TBC1D32: variants seen among roughly 807,000 people sequenced by gnomAD.
TBC1D32 encodes protein broad-minded.
TBC1D32 carries 151 observed loss-of-function variants against 170.3 expected under a neutral mutation model. The ratio of observed to expected loss-of-function variants is 0.89; its 90% CI spans 0.78 to 1.01. TBC1D32 has a LOEUF of 1.01. TBC1D32 is among the 50% of genes least tolerant of loss of function. The pLI, the probability that TBC1D32 is intolerant of heterozygous loss-of-function variation, is 0.00. For missense variants in TBC1D32, 1,464 were observed against 1,457.1 expected, an observed-to-expected ratio of 1.00 and a Z score of -0.08; for synonymous variants, 498 against 488.0, an observed-to-expected ratio of 1.02 and a Z score of -0.27.
chr6:121,116,899 T>C (rs534680503), intron 26 of TBC1D32, among the ~76,000 whole-genome samples: 1 of 152,326 alleles, frequency 6.6e-6, no homozygotes, highest in African/African-American at 2.4e-5. Flanking sequence ...TGACAGTGTA[T>C]CTTCAGAGTA....
chr6:121,216,733 G>C (rs957717592), intron 21 of TBC1D32, among the ~76,000 whole-genome samples: 1 of 152,156 alleles, frequency 6.6e-6, no homozygotes, highest in Non-Finnish European at 1.5e-5. Flanking sequence ...AGTGAACAAA[G>C]TGATGAAAGA....
At chr6:121,318,922 G>A (rs1478089733) in intron 2 of TBC1D32, among the ~76,000 whole-genome samples, 2 of 150,968 alleles carry the variant, frequency 1.3e-5, no homozygotes, top group South Asian at 2.1e-4. Context: ...AGAAGAAAAG[G>A]TAGTTTATCT....
intron 17 of TBC1D32, among the ~76,000 whole-genome samples, chr6:121,246,381 T>A (rs983539017): frequency 3.9e-4 from 59 of 152,010 alleles, no homozygotes; most frequent in African/African-American, 1.3e-3. Flanking sequence ...AGAAAAAAAA[T>A]TTTTCTAATC....
chr6:121,279,078 A>G, intron 15 of TBC1D32, 43 bp downstream of exon 15: 1 of 1,564,114 alleles, frequency 6.4e-7, no homozygotes. Context: ...CAGAAAACCA[A>G]ACTATACCTG....
intron 12 of TBC1D32, among the ~76,000 whole-genome samples, chr6:121,285,968 C>A (rs1803745409): frequency 6.6e-6 from 1 of 152,106 alleles, no homozygotes; most frequent in Non-Finnish European, 1.5e-5. Context: ...AAAGAACATC[C>A]ACACCAAAAC....
At chr6:121,172,550 G>C (rs1374590218) in intron 22 of TBC1D32, among the ~76,000 whole-genome samples, 1 of 152,010 alleles carries the variant, frequency 6.6e-6, no homozygotes, top group Non-Finnish European at 1.5e-5. Flanking sequence ...CACTCCACCA[G>C]GTAAAAAAAC....
chr6:121,277,085 A>G (rs1802316788), intron 15 of TBC1D32, among the ~76,000 whole-genome samples: 1 of 152,204 alleles, frequency 6.6e-6, no homozygotes, highest in African/African-American at 2.4e-5. Flanking sequence ...AGTAGAATAT[A>G]TATTATATAA....
At chr6:121,184,114 G>A (rs1226717057) in intron 22 of TBC1D32, among the ~76,000 whole-genome samples, 1 of 151,994 alleles carries the variant, frequency 6.6e-6, no homozygotes, top group East Asian at 1.9e-4. Flanking sequence ...TACTGACTTG[G>A]CCAAATGTGA....
chr6:121,153,904 C>G (rs1784514177), intron 24 of TBC1D32, among the ~76,000 whole-genome samples: 1 of 152,060 alleles, frequency 6.6e-6, no homozygotes, highest in Non-Finnish European at 1.5e-5. Flanking sequence ...GAATTTCAAG[C>G]CAGTAGATCT....
intron 15 of TBC1D32, among the ~76,000 whole-genome samples, chr6:121,270,438 A>G (rs1268982097): frequency 1.3e-5 from 2 of 152,124 alleles, no homozygotes; most frequent in African/African-American, 4.8e-5. Context: ...TATCACCACC[A>G]ATCCCACAGA....
chr6:121,205,644 T>C (rs544754641), intron 21 of TBC1D32, among the ~76,000 whole-genome samples: 13 of 152,298 alleles, frequency 8.5e-5, no homozygotes, highest in Non-Finnish European at 1.8e-4. Context: ...TGTAAATCAG[T>C]GGTTTCCAAC....
At chr6:121,124,864 G>A (rs999263950) in intron 26 of TBC1D32, among the ~76,000 whole-genome samples, 3 of 151,770 alleles carry the variant, frequency 2.0e-5, no homozygotes, top group Admixed American at 1.3e-4. Context: ...TCAGTTCCAG[G>A]ATTTCTGGTT....
chr6:121,126,119 T>C lies in TBC1D32; in HGVS notation c.2983+259A>G, dbSNP rs182532023. Among the ~76,000 whole-genome samples, 474 of 152,200 alleles carry C rather than the reference T, an allele frequency of 3.1e-3. 6 individuals are homozygous for C. The highest frequency in any genetic ancestry group is 0.011 in the African/African-American group (460 of 41,530). ...GGAATAAATGATAGAATCAGAAGAA[T>C]AGAAGACATTGCTTAAGGCAAAACA... On this transcript the variant is annotated intron_variant, in intron 26 of 31. Transcript: ENST00000398212.
chr6:121,225,289 C>T (rs944915829), intron 20 of TBC1D32, among the ~76,000 whole-genome samples: 4 of 151,630 alleles, frequency 2.6e-5, no homozygotes, highest in African/African-American at 9.7e-5. Flanking sequence ...ACAGATGAAC[C>T]AAAAAATACA....
At chr6:121,114,067 A>G (rs1779458868) in intron 27 of TBC1D32, among the ~76,000 whole-genome samples, 2 of 152,030 alleles carry the variant, frequency 1.3e-5, no homozygotes, top group African/African-American at 4.8e-5. Context: ...CCAGCTACTC[A>G]GCAGCCTGAG....
intron 2 of TBC1D32, among the ~76,000 whole-genome samples, chr6:121,318,009 T>TACTAC (rs1809167409): frequency 6.6e-6 from 1 of 152,072 alleles, no homozygotes; most frequent in Admixed American, 6.6e-5. Context: ...ATTAATATTA[T>TACTAC]ACTACCAAAA....
chr6:121,273,204 C>G (rs1298052163), intron 15 of TBC1D32, among the ~76,000 whole-genome samples: 1 of 151,258 alleles, frequency 6.6e-6, no homozygotes, highest in Non-Finnish European at 1.5e-5. Flanking sequence ...CACACGTATA[C>G]ATATGTAACA....
chr6:121,290,588 G>A (rs1804677322), intron 12 of TBC1D32, among the ~76,000 whole-genome samples: 3 of 152,218 alleles, frequency 2.0e-5, no homozygotes, highest in Admixed American at 2.0e-4. Context: ...GGAAGTCAGT[G>A]TGGCGATTCC....
chr6:121,277,782 A>G (rs1802430847), intron 15 of TBC1D32, among the ~76,000 whole-genome samples: 1 of 151,848 alleles, frequency 6.6e-6, no homozygotes, highest in South Asian at 2.1e-4. Flanking sequence ...CAATAAAATT[A>G]AAAACATGAA....
Sources: gnomAD v4.1 joint callset for allele counts (sites outside exome capture counted in the v4.1 genomes callset) on GRCh38, gnomAD v4.1.1 for gene constraint, MANE v1.5 for transcripts, NCBI Gene and HGNC (gene_info 2026-07-23, HGNC 2026-07-21) for gene names.